CDH4: variants seen among roughly 807,000 people sequenced by gnomAD.
The protein encoded by CDH4 is cadherin-4.
CDH4 carries 33 observed loss-of-function variants against 86.0 expected under a neutral mutation model. The observed-to-expected ratio is 0.38, with a 90% CI of 0.29 to 0.51. CDH4 has a LOEUF of 0.51. CDH4 is among the 20% of genes least tolerant of loss of function. CDH4 has a pLI of 0.86. For synonymous variants in CDH4, 555 were observed against 549.4 expected, an observed-to-expected ratio of 1.01 and a Z score of -0.14; for missense variants, 1,114 against 1,307.4, an observed-to-expected ratio of 0.85 and a Z score of 2.28.
chr20:61,710,433 C>T (rs1568769900), intron 2 of CDH4, among the ~76,000 whole-genome samples: 1 of 152,254 alleles, frequency 6.6e-6, no homozygotes, highest in Non-Finnish European at 1.5e-5. Flanking sequence ...TATCTGTGTG[C>T]AGGCCCTGAG....
At chr20:61,440,779 C>T (rs1033465974) in intron 2 of CDH4, among the ~76,000 whole-genome samples, 1 of 152,180 alleles carries the variant, frequency 6.6e-6, no homozygotes, top group Non-Finnish European at 1.5e-5. Flanking sequence ...CAGCAGGTGT[C>T]CCGATGCCTC....
chr20:61,769,022 C>T (rs767527142), intron 3 of CDH4, among the ~76,000 whole-genome samples: 24 of 152,188 alleles, frequency 1.6e-4, no homozygotes, highest in Non-Finnish European at 1.0e-4. Context: ...TCTCTGCCTC[C>T]GTCTCCCGCT....
intron 2 of CDH4, among the ~76,000 whole-genome samples, chr20:61,326,482 G>A (rs1320720281): frequency 2.0e-5 from 3 of 152,236 alleles, no homozygotes; most frequent in East Asian, 3.8e-4. Context: ...AATGGTGCAA[G>A]CATCACCCTG....
intron 2 of CDH4, among the ~76,000 whole-genome samples, chr20:61,741,483 G>C (rs1278136505): frequency 5.4e-5 from 8 of 149,290 alleles, no homozygotes; most frequent in African/African-American, 2.0e-4. Flanking sequence ...TGTCACCAAA[G>C]CTGTGTGCCT....
At chr20:61,722,015 C>T (rs1467881467) in intron 2 of CDH4, among the ~76,000 whole-genome samples, 5 of 152,166 alleles carry the variant, frequency 3.3e-5, no homozygotes, top group Non-Finnish European at 5.9e-5. Context: ...TCACAACCTC[C>T]ACCTTCAGGC....
intron 4 of CDH4, among the ~76,000 whole-genome samples, chr20:61,825,282 G>C (rs115661110): frequency 6.6e-6 from 1 of 152,106 alleles, no homozygotes; most frequent in Non-Finnish European, 1.5e-5. Flanking sequence ...GGTGGTGTAC[G>C]CCTGTAGTTC....
intron 2 of CDH4, among the ~76,000 whole-genome samples, chr20:61,519,369 C>A (rs2085850998): frequency 1.3e-5 from 2 of 152,146 alleles, no homozygotes; most frequent in South Asian, 4.1e-4. Context: ...GGTTTTATAC[C>A]CATGGATTCC....
chr20:61,559,892 G>A (rs866679951), intron 2 of CDH4, among the ~76,000 whole-genome samples: 91 of 152,240 alleles, frequency 6.0e-4, no homozygotes, highest in African/African-American at 2.0e-3. Context: ...TTGCCAGTGC[G>A]GTGTGCACCA....
At position 61,383,146 on chromosome 20, in the gene CDH4, A is replaced by G. The variant is rs867118418; in HGVS notation, c.169+128209A>G. ...ATATGAATATATTATATATATGAAT[A>G]TATATGAATATATTATATATATGAA... is the stretch of plus-strand genomic sequence containing the variant. On this transcript the variant is annotated intron_variant, in intron 2 of 15. Coordinates refer to ENST00000614565, the MANE Select transcript of CDH4 (RefSeq NM_001794.5). 1.2e-3 allele frequency among the ~76,000 whole-genome samples: 117 copies of G among 96,170 alleles called. 12 individuals carry two copies. Among genetic ancestry groups the G allele is most frequent in the African/African-American group, 5.1e-3 (109 of 21,306 alleles). 63.1% of individuals were successfully genotyped at this position (96,170 alleles called of 152,430 possible).
chr20:61,766,556 C>A (rs564641523), intron 3 of CDH4, among the ~76,000 whole-genome samples: 5 of 152,332 alleles, frequency 3.3e-5, no homozygotes, highest in African/African-American at 1.2e-4. Flanking sequence ...CCACACCTGG[C>A]AGGGGGGCTT....
intron 2 of CDH4, among the ~76,000 whole-genome samples, chr20:61,735,795 T>A (rs911053417): frequency 6.6e-6 from 1 of 152,174 alleles, no homozygotes; most frequent in Non-Finnish European, 1.5e-5. Flanking sequence ...GCTCTTGAAT[T>A]TCTCTGTCCC....
At chr20:61,384,797 G>A (rs532056144) in intron 2 of CDH4, among the ~76,000 whole-genome samples, 1 of 151,918 alleles carries the variant, frequency 6.6e-6, no homozygotes, top group African/African-American at 2.4e-5. Context: ...TCTGTTCTTT[G>A]AAGTTATTTT....
chr20:61,748,425 A>G (rs2145950464), intron 3 of CDH4, among the ~76,000 whole-genome samples: 1 of 152,368 alleles, frequency 6.6e-6, no homozygotes, highest in African/African-American at 2.4e-5. Context: ...AGAAAATAGA[A>G]TTCTATCATC....
chr20:61,337,342 G>C, intron 2 of CDH4, among the ~76,000 whole-genome samples: 1 of 142 alleles, frequency 7.0e-3, no homozygotes. Context: ...TAATGATGGT[G>C]ATGATAACAA....
At chr20:61,711,442 C>T (rs2087892096) in intron 2 of CDH4, among the ~76,000 whole-genome samples, 1 of 152,226 alleles carries the variant, frequency 6.6e-6, no homozygotes, top group East Asian at 1.9e-4. Flanking sequence ...CTTCTGGAGA[C>T]TCCAGGGCAG....
chr20:61,530,014 TTTTG>T (rs370583052), intron 2 of CDH4, among the ~76,000 whole-genome samples: 345 of 151,992 alleles, frequency 2.3e-3, no homozygotes, highest in African/African-American at 6.8e-3. Context: ...ATTTATTTGT[TTTTG>T]TTTGTTTGTT....
intron 4 of CDH4, among the ~76,000 whole-genome samples, chr20:61,816,115 G>A (rs1004291197): frequency 1.9e-4 from 29 of 152,172 alleles, no homozygotes; most frequent in African/African-American, 7.0e-4. Flanking sequence ...GGGGCCCTGG[G>A]TTTGTGACCT....
At chr20:61,338,005 C>T (rs1838102124) in intron 2 of CDH4, among the ~76,000 whole-genome samples, 1 of 152,136 alleles carries the variant, frequency 6.6e-6, no homozygotes, top group African/African-American at 2.4e-5. Context: ...AGGACTCCTA[C>T]TCTTCATTGG....
chr20:61,565,117 T>TA lies in CDH4; in HGVS notation c.170-178446_170-178445insA, dbSNP rs2086260059. ...TTGGTGGTGCTCTTGGTGGTGCTGG[T>TA]GCTCTTGGTGGTGCTGGTCCTCTTG... On this transcript the variant is annotated intron_variant, in intron 2 of 15. Transcript: ENST00000614565. Among the ~76,000 whole-genome samples the TA allele has an allele frequency of 6.2e-5, 9 of 145,360 alleles. No individual in the cohort carries two copies. The South Asian group carries it at 2.2e-3, about 35-fold the overall frequency.
Sources: allele counts gnomAD v4.1 joint callset (sites outside exome capture counted in the v4.1 genomes callset), GRCh38; gene constraint gnomAD v4.1.1; transcripts MANE v1.5; gene names NCBI Gene and HGNC (gene_info 2026-07-23, HGNC 2026-07-21).